The following SRGAP2C variants were observed in gnomAD, a reference collection of about 807,000 sequenced individuals.
SRGAP2C encodes the protein SLIT-ROBO Rho GTPase activating protein 2C.
Under a neutral mutation model 25.1 loss-of-function variants are expected in SRGAP2C, and 15 were observed. The observed-to-expected ratio is 0.60, with a 90% CI of 0.40 to 0.92. SRGAP2C has a LOEUF of 0.92. Among genes scored for constraint, SRGAP2C ranks in the 40% least tolerant of loss-of-function variants. The pLI is 0.00. For synonymous variants in SRGAP2C, 44 were observed against 96.6 expected, an observed-to-expected ratio of 0.46 and a Z score of 3.19; for missense variants, 144 against 264.4, an observed-to-expected ratio of 0.54 and a Z score of 3.16.
rs1283865157 is a variant in SRGAP2C at position 121,281,385 on chromosome 1, T to C, written c.68-3418T>C. The stretch of plus-strand genomic sequence containing the variant: ...TTTCTTTTTCTCCTCCTTTTCCTTC[T>C]CCTTCTCCACCTCCTGTTCTTCCTT... On this transcript the variant is annotated intron_variant, in intron 2 of 9. Transcript: ENST00000367123. 3.3e-5 allele frequency among the ~76,000 whole-genome samples: 5 copies of C among 151,302 alleles called. No homozygotes were observed. In the East Asian group the frequency reaches 9.7e-4, roughly 29 times the overall value.
At chr1:121,320,836 G>C (rs1553341051) in intron 3 of SRGAP2C, among the ~76,000 whole-genome samples, 14 of 151,828 alleles carry the variant, frequency 9.2e-5, no homozygotes, top group Middle Eastern at 3.2e-3. Context: ...AATAGGCATC[G>C]CAACAACTGA....
At chr1:121,300,169 A>T (rs1249267624) in intron 3 of SRGAP2C, among the ~76,000 whole-genome samples, 32 of 131,820 alleles carry the variant, frequency 2.4e-4, no homozygotes, top group Non-Finnish European at 4.2e-4. Context: ...GTATTAGGCC[A>T]TTTTTTGCGA....
chr1:121,273,916 T>C (rs1374784698), intron 2 of SRGAP2C, among the ~76,000 whole-genome samples: 7 of 151,712 alleles, frequency 4.6e-5, no homozygotes, highest in African/African-American at 9.7e-5. Flanking sequence ...GTCAGGCTGG[T>C]GCATCAACAA....
chr1:121,335,511 G>T (rs1658496177), intron 4 of SRGAP2C, among the ~76,000 whole-genome samples: 1 of 133,938 alleles, frequency 7.5e-6, no homozygotes, highest in African/African-American at 2.8e-5. Context: ...ACCCAGGTTG[G>T]AGTACAGTGG....
intron 3 of SRGAP2C, among the ~76,000 whole-genome samples, chr1:121,309,425 CTT>C (rs1365050474): frequency 1.9e-5 from 2 of 104,012 alleles, no homozygotes; most frequent in African/African-American, 3.6e-5. Flanking sequence ...TGAATCATTC[CTT>C]TTTTTTTTTT....
At chr1:121,272,356 G>C (rs1312903648) in intron 2 of SRGAP2C, among the ~76,000 whole-genome samples, 10 of 151,502 alleles carry the variant, frequency 6.6e-5, no homozygotes, top group African/African-American at 2.2e-4. Context: ...CACATAGCTA[G>C]TAGGTGGTGG....
chr1:121,249,574 A>T (rs1397260816), intron 2 of SRGAP2C, among the ~76,000 whole-genome samples: 39 of 20,454 alleles, frequency 1.9e-3, no homozygotes, highest in Non-Finnish European at 2.5e-3. Context: ...ATATATATAT[A>T]TATATATTTT....
At chr1:121,271,481 A>C (rs1656958529) in intron 2 of SRGAP2C, among the ~76,000 whole-genome samples, 2 of 151,908 alleles carry the variant, frequency 1.3e-5, no homozygotes, top group African/African-American at 4.8e-5. Context: ...TTACAGCAAT[A>C]AGTGAAACTT....
At position 121,284,843 on chromosome 1, in the gene SRGAP2C, C is replaced by T; in HGVS notation, c.108C>T (p.Asp36=). The T allele has an allele frequency of 9.6e-7, 1 of 1,046,206 alleles. No homozygotes were observed. Among genetic ancestry groups the T allele is most frequent in the Non-Finnish European group, 1.4e-6 (1 of 718,632 alleles). The allele number at this position is 1,046,206 out of a possible 1,614,324, so 64.8% of individuals were successfully genotyped here. The change falls in exon 3 of 10, where the codon GAC becomes GAT. Residue 36 remains aspartate (D), a synonymous_variant. Coordinates refer to ENST00000367123, the MANE Select transcript of SRGAP2C (RefSeq NM_001329984.2). ...TCACAGAGCAGATGAAATGCCTGGACCAGCAGTGTGAGCTTCGGGTGCAAC... is the reference window on the plus strand; with the variant it reads ...TCACAGAGCAGATGAAATGCCTGGATCAGCAGTGTGAGCTTCGGGTGCAAC... ...AQLTEQMKCL[D]QQCELRVQLL...
At chr1:121,326,485 T>C (rs2101612562) in intron 4 of SRGAP2C, among the ~76,000 whole-genome samples, 1 of 82,132 alleles carries the variant, frequency 1.2e-5, no homozygotes, top group Non-Finnish European at 2.4e-5. Flanking sequence ...GTGGGGCATA[T>C]GACATTCATG....
chr1:121,270,789 A>C (rs1553335174), intron 2 of SRGAP2C, among the ~76,000 whole-genome samples: 1 of 144,988 alleles, frequency 6.9e-6, no homozygotes, highest in South Asian at 2.1e-4. Flanking sequence ...TTAAGAGATA[A>C]GGAGGTTTTT....
chr1:121,378,761 G>A (rs1553354049), intron 7 of SRGAP2C, among the ~76,000 whole-genome samples: 1 of 152,190 alleles, frequency 6.6e-6, no homozygotes, highest in African/African-American at 2.4e-5. Flanking sequence ...GAAGCCAAAT[G>A]TGTGCATAAG....
intron 3 of SRGAP2C, among the ~76,000 whole-genome samples, chr1:121,292,967 T>C (rs1657519601): frequency 1.3e-5 from 1 of 78,686 alleles, no homozygotes; most frequent in South Asian, 3.1e-4. Context: ...CACCCATCCA[T>C]ACAGAGTGCC....
chr1:121,187,968 AG>A (rs782408452), intron 2 of SRGAP2C, among the ~76,000 whole-genome samples: 1 of 152,106 alleles, frequency 6.6e-6, no homozygotes, highest in Admixed American at 6.5e-5. Context: ...GCCTTGGGAG[AG>A]GAGGGGTTTT....
intron 3 of SRGAP2C, among the ~76,000 whole-genome samples, chr1:121,296,176 A>T (rs1240834708): frequency 1.3e-5 from 2 of 151,480 alleles, no homozygotes; most frequent in Non-Finnish European, 2.9e-5. Flanking sequence ...TATTGAAGCT[A>T]AAATTTCTAG....
At chr1:121,368,421 TAGC>T (rs376251680) in intron 5 of SRGAP2C, among the ~76,000 whole-genome samples, 6,142 of 136,142 alleles carry the variant, frequency 0.045, 438 homozygotes, top group African/African-American at 0.16. Context: ...AAAAAAAAAA[TAGC>T]AGTTCAGAGA....
chr1:121,196,666 T>C (rs1654836432), intron 2 of SRGAP2C, among the ~76,000 whole-genome samples: 1 of 80,046 alleles, frequency 1.2e-5, no homozygotes, highest in African/African-American at 6.1e-5. Flanking sequence ...GTGGAGATAA[T>C]GAGACCTGCC....
chr1:121,198,835 A>G (rs1359315870), intron 2 of SRGAP2C, among the ~76,000 whole-genome samples: 1 of 150,178 alleles, frequency 6.7e-6, no homozygotes, highest in Admixed American at 6.6e-5. Flanking sequence ...GCGTTGAGCT[A>G]CAGGATTCTA....
chr1:121,345,630 T>C (rs1431515253), intron 4 of SRGAP2C, among the ~76,000 whole-genome samples: 1 of 150,432 alleles, frequency 6.6e-6, no homozygotes, highest in African/African-American at 2.4e-5. Context: ...GGCATCTATA[T>C]AACCTCTGGG....
Sources: allele counts gnomAD v4.1 joint callset (sites outside exome capture counted in the v4.1 genomes callset), GRCh38; gene constraint gnomAD v4.1.1; transcripts MANE v1.5; gene names NCBI Gene and HGNC (gene_info 2026-07-23, HGNC 2026-07-21).